Variants in SEC14L1 observed in about 807,000 individuals in gnomAD.
SEC14L1 encodes the protein SEC14-like protein 1.
A neutral mutation model predicts 85.3 loss-of-function variants in SEC14L1; 48 were observed. The ratio of observed to expected loss-of-function variants is 0.56; its 90% CI spans 0.45 to 0.72. The LOEUF (loss-of-function observed/expected upper bound fraction) is 0.72. Among genes scored for constraint, SEC14L1 ranks in the 30% least tolerant of loss-of-function variants. SEC14L1 has a pLI of 0.00. For synonymous variants in SEC14L1, 391 were observed against 355.5 expected, an observed-to-expected ratio of 1.10 and a Z score of -1.12; for missense variants, 682 against 921.4, an observed-to-expected ratio of 0.74 and a Z score of 3.36.
At chr17:77,116,245 A>G (rs1404412315) in intron 3 of SEC14L1, among the ~76,000 whole-genome samples, 1 of 152,304 alleles carries the variant, frequency 6.6e-6, no homozygotes, top group African/African-American at 2.4e-5. Flanking sequence ...AAATGCTGTA[A>G]AAATTCACAT....
rs1304148349 is a variant in SEC14L1, at chr17:77,213,213, A to G, written c.1864-101A>G. On this transcript the variant is annotated intron_variant, in intron 15 of 16. Transcript: ENST00000436233. The surrounding 1 kb of genome is among the most constrained non-coding windows in gnomAD (Gnocchi z 7.1). ...CCATTGAGATAGTTTCCGTAGCTAC[A>G]TGAAATCCTAAAGACAGTCCCCTTG... 5 of 1,006,414 alleles carry G rather than the reference A, an allele frequency of 5.0e-6. No individual in the cohort carries two copies. The highest frequency in any genetic ancestry group is 3.3e-5 in the South Asian group (2 of 60,140). 62.3% of individuals were successfully genotyped at this position (1,006,414 alleles called of 1,614,324 possible). A position where few individuals can be genotyped will look rare whatever the true frequency, so the allele number is the denominator to read the frequency against.
chr17:77,136,261 TTCTC>T (rs146440414), upstream of SEC14L1, among the ~76,000 whole-genome samples: 412 of 150,998 alleles, frequency 2.7e-3, 11 homozygotes, highest in East Asian at 0.067. Flanking sequence ...CTTTCTTTCT[TTCTC>T]TCTTTTTCTC....
rs543523072 is a variant in SEC14L1, at chr17:77,123,599, A to G, written c.-135-19047A>G. Among the ~76,000 whole-genome samples the G allele has an allele frequency of 2.0e-5, 3 of 149,490 alleles. No individual in the cohort carries two copies. The South Asian group carries it at 6.3e-4, about 31-fold the overall frequency. ...GCTATTTTCTTTGTTTTTTTTTTGT[A>G]GAGACAGAGGTCTCACCATGTTGCC... On this transcript the variant is annotated intron_variant, in intron 3 of 19. Transcript: ENST00000392476.
In SEC14L1 at chr17:77,206,685, G is replaced by A. The variant is rs752348190; in HGVS notation, c.1342-43G>A. 1.3e-6 allele frequency: 2 copies of A among 1,561,552 alleles called. No individual in the cohort carries two copies. Among genetic ancestry groups the A allele is most frequent in the African/African-American group, 1.4e-5 (1 of 73,020 alleles). ...TTGTCATTTTAATCTTGGACACTCA[G>A]GCAGCAGAGAAATATGACTGCATGG... On this transcript the variant is annotated intron_variant, in intron 12 of 16. Transcript: ENST00000436233. This position sits in a 1 kb window ranked among gnomAD's most constrained non-coding sequence, Gnocchi z 4.3.
intron 3 of SEC14L1, among the ~76,000 whole-genome samples, chr17:77,154,516 C>G (rs1973713392): frequency 6.6e-6 from 1 of 152,068 alleles, no homozygotes; most frequent in Non-Finnish European, 1.5e-5. Flanking sequence ...AATGTAAATG[C>G]CACTCCATTT....
chr17:77,110,606 C>T (rs141354052), intron 3 of SEC14L1, among the ~76,000 whole-genome samples: 2 of 151,638 alleles, frequency 1.3e-5, no homozygotes, highest in South Asian at 2.1e-4. Context: ...GCTGGCTGGG[C>T]GCGGTGGCTC....
At chr17:77,181,674 C>A (rs1476997116) in intron 3 of SEC14L1, among the ~76,000 whole-genome samples, 1 of 152,160 alleles carries the variant, frequency 6.6e-6, no homozygotes, top group African/African-American at 2.4e-5. Flanking sequence ...CCTCAGCCTC[C>A]CAAAGTGCTG....
chr17:77,089,294 G>A (rs758835835), intron 2 of SEC14L1: 1 of 452,540 alleles, frequency 2.2e-6, no homozygotes, highest in East Asian at 6.6e-5. Context: ...TGGTGACAAA[G>A]TGTTCAGGTC....
chr17:77,133,242 C>T (rs532898046), intron 3 of SEC14L1, among the ~76,000 whole-genome samples: 1 of 152,116 alleles, frequency 6.6e-6, no homozygotes, highest in Non-Finnish European at 1.5e-5. Flanking sequence ...GCTCTGGAGG[C>T]CGAAATTTCA....
intron 2 of SEC14L1, among the ~76,000 whole-genome samples, chr17:77,091,852 G>T (rs1452097841): frequency 2.0e-5 from 3 of 147,278 alleles, no homozygotes; most frequent in Admixed American, 2.0e-4. Flanking sequence ...TTATTCTGTT[G>T]CCCAGGCTGA....
At chr17:77,136,978 C>A (rs1174916371), upstream of SEC14L1, among the ~76,000 whole-genome samples, 1 of 150,348 alleles carries the variant, frequency 6.7e-6, no homozygotes, top group Admixed American at 6.6e-5. Context: ...GGTGCGGTCT[C>A]GGCTCACCGC....
chr17:77,209,464 A>AG lies in SEC14L1; in HGVS notation c.1600dup (p.Ala534GlyfsTer4). ...ACCAGTCTGCAAGCGTCTTCAAAGG[A>AG]GCCCCACATGAGGTACGTCCTCCGC... On this transcript the variant is annotated frameshift_variant, in exon 14 of 17. Transcript: ENST00000436233. LOFTEE classifies it high-confidence loss of function. 1 of 1,614,052 alleles carries AG rather than the reference A, an allele frequency of 6.2e-7. No homozygotes were observed. The highest frequency in any genetic ancestry group is 8.5e-7 in the Non-Finnish European group (1 of 1,180,000).
intron 3 of SEC14L1, chr17:77,145,095 ATGTATGTGTGTGTGTG>A (rs1973229089): frequency 2.2e-5 from 1 of 44,612 alleles, no homozygotes; most frequent in African/African-American, 6.3e-5. Context: ...GTGTGTGTGT[ATGTATGTGTGTGTGTG>A]TGTGTGTGTG....
At chr17:77,200,859 G>A (rs775448159) in intron 9 of SEC14L1, among the ~76,000 whole-genome samples, 186 bp downstream of exon 9, 8 of 152,262 alleles carry the variant, frequency 5.3e-5, no homozygotes, top group Non-Finnish European at 8.8e-5. Flanking sequence ...GCACACTCCC[G>A]TCCCGCCCCG....
chr17:77,189,597 G>A (rs1033759111), intron 3 of SEC14L1, among the ~76,000 whole-genome samples: 1 of 152,030 alleles, frequency 6.6e-6, no homozygotes. Flanking sequence ...CTCCCATTTT[G>A]TAGTTTGTTT....
chr17:77,205,425 A>C, intron 11 of SEC14L1, 79 bp downstream of exon 11: 3 of 1,285,690 alleles, frequency 2.3e-6, no homozygotes, highest in South Asian at 2.5e-5. Flanking sequence ...TTGGAATTAA[A>C]ATCTACTTAT....
intron 3 of SEC14L1, among the ~76,000 whole-genome samples, chr17:77,147,191 A>G (rs1383024449): frequency 6.6e-6 from 1 of 152,150 alleles, no homozygotes; most frequent in Non-Finnish European, 1.5e-5. Flanking sequence ...AAAACGCCTC[A>G]CTCAACTTAA....
chr17:77,104,120 CTTT>C (rs1182648184), intron 3 of SEC14L1, among the ~76,000 whole-genome samples: 5 of 134,860 alleles, frequency 3.7e-5, no homozygotes, highest in Non-Finnish European at 3.2e-5. Flanking sequence ...TTTGTATTTA[CTTT>C]TTTTTTTTTT....
Position 77,214,607 on chromosome 17 carries a change from A to G in SEC14L1, c.*584A>G, listed in dbSNP as rs1976946743. On this transcript the variant is annotated 3_prime_UTR_variant, in exon 17 of 17. Transcript: ENST00000436233. ...CCTTGTCCCAGGGCCAGACACACCC[A>G]CACCACCCACTGTCCTGCAGTGGGG... The G allele has an allele frequency of 1.0e-6, 1 of 986,610 alleles. No individual in the cohort carries two copies. The highest frequency in any genetic ancestry group is 1.7e-5 in the African/African-American group (1 of 57,220). 61.1% of individuals were successfully genotyped at this position (986,610 alleles called of 1,614,324 possible).
Sources: allele counts gnomAD v4.1 joint callset (sites outside exome capture counted in the v4.1 genomes callset), GRCh38; gene constraint gnomAD v4.1.1; non-coding constraint Gnocchi (gnomAD v3.1); transcripts MANE v1.5; gene names NCBI Gene and HGNC (gene_info 2026-07-23, HGNC 2026-07-21).